The following CCDC6 variants were observed in gnomAD, a reference collection of about 807,000 sequenced individuals.
The protein encoded by CCDC6 is coiled-coil domain containing 6.
A neutral mutation model predicts 56.6 loss-of-function variants in CCDC6; 20 were observed. The ratio of observed to expected loss-of-function variants is 0.35; its 90% CI spans 0.25 to 0.51. The LOEUF (loss-of-function observed/expected upper bound fraction) is 0.51, where lower values mean the gene tolerates loss of function less well. CCDC6 is among the 20% of genes least tolerant of loss of function. The probability of loss-of-function intolerance (pLI) is 0.95; values close to 1 mark genes in which losing one functional copy is unlikely to be tolerated. For synonymous variants in CCDC6, 241 were observed against 234.4 expected (o/e 1.03, Z -0.26); for missense variants, 367 against 601.1 (o/e 0.61, Z 4.07).
At chr10:59,822,714 G>A (rs1461432306) in intron 3 of CCDC6, among the ~76,000 whole-genome samples, 1 of 152,128 alleles carries the variant, frequency 6.6e-6, no homozygotes, top group Non-Finnish European at 1.5e-5. Flanking sequence ...GGGCAACACA[G>A]TGACAGGGAC....
At chr10:59,900,338 GTCTAT>G in intron 1 of CCDC6, among the ~76,000 whole-genome samples, 1 of 152,256 alleles carries the variant, frequency 6.6e-6, no homozygotes, top group East Asian at 1.9e-4. Context: ...AGGCAGTACA[GTCTAT>G]TTCAACTGAC....
chr10:59,806,724 C>T, intron 6 of CCDC6, 198 bp downstream of exon 6: 8 of 457,108 alleles, frequency 1.8e-5, no homozygotes, highest in African/African-American at 7.8e-5. Context: ...TGATTTTTTT[C>T]ATCTTTTTGT....
At chr10:59,868,324 T>C (rs1472421929) in intron 1 of CCDC6, among the ~76,000 whole-genome samples, 1 of 152,154 alleles carries the variant, frequency 6.6e-6, no homozygotes, top group African/African-American at 2.4e-5. Context: ...TGCATGCTGT[T>C]TGCAAGGGTT....
chr10:59,835,027 T>C (rs1036100831), intron 2 of CCDC6, among the ~76,000 whole-genome samples: 2 of 152,226 alleles, frequency 1.3e-5, no homozygotes, highest in Non-Finnish European at 2.9e-5. Flanking sequence ...GCTCTAAAAA[T>C]AGTTATGAAC....
At chr10:59,869,849 C>T (rs1321318472) in intron 1 of CCDC6, among the ~76,000 whole-genome samples, 1 of 152,128 alleles carries the variant, frequency 6.6e-6, no homozygotes, top group African/African-American at 2.4e-5. Context: ...GCCCCGACAC[C>T]CACGACACTC....
chr10:59,859,830 T>C (rs2071112189), intron 1 of CCDC6, among the ~76,000 whole-genome samples: 1 of 151,910 alleles, frequency 6.6e-6, no homozygotes, highest in Admixed American at 6.6e-5. Flanking sequence ...TTTGGGAGGC[T>C]GAGGCGGGCA....
chr10:59,809,421 G>C (rs974151043), intron 5 of CCDC6, among the ~76,000 whole-genome samples: 1 of 152,150 alleles, frequency 6.6e-6, no homozygotes, highest in African/African-American at 2.4e-5. Flanking sequence ...GCAGTGATCG[G>C]CTGGGAAGAC....
chr10:59,865,852 C>CTAAAAA (rs2071172227), intron 1 of CCDC6, among the ~76,000 whole-genome samples: 1 of 57,060 alleles, frequency 1.8e-5, no homozygotes, highest in African/African-American at 7.3e-5. Context: ...TCCATCTCCA[C>CTAAAAA]AAAAAAAAAA....
intron 1 of CCDC6, among the ~76,000 whole-genome samples, chr10:59,857,357 T>C (rs890418175): frequency 6.6e-6 from 1 of 152,224 alleles, no homozygotes; most frequent in Non-Finnish European, 1.5e-5. Flanking sequence ...ACTGCTACCA[T>C]GAACTGAGCA....
chr10:59,800,153 C>T (rs1474729307), intron 7 of CCDC6, among the ~76,000 whole-genome samples: 1 of 152,126 alleles, frequency 6.6e-6, no homozygotes, highest in Non-Finnish European at 1.5e-5. Flanking sequence ...CTCAGCTTCC[C>T]CTGATTACAC....
rs577339445 is a variant in CCDC6 at position 59,838,702 on chromosome 10, T to C, written c.454-6049A>G. On this transcript the variant is annotated intron_variant, in intron 2 of 8. Transcript: ENST00000263102. ...ATCCCATCATGCCAACCAAACACTTTTGGTGACCATACTGGTCCGGGGCTT... is the reference window on the plus strand; with the variant it reads ...ATCCCATCATGCCAACCAAACACTTCTGGTGACCATACTGGTCCGGGGCTT... Among the ~76,000 whole-genome samples the C allele has an allele frequency of 2.6e-5, 4 of 152,286 alleles. No individual in the cohort carries two copies. The South Asian group carries it at 8.3e-4, about 32-fold the overall frequency.
intron 1 of CCDC6, among the ~76,000 whole-genome samples, chr10:59,869,389 CAAAAAAAAAAA>C (rs1167007522): frequency 2.3e-3 from 14 of 6,098 alleles, no homozygotes; most frequent in Admixed American, 4.1e-3. Context: ...CTTGCTCAGG[CAAAAAAAAAAA>C]AAAAAAAAAA....
intron 1 of CCDC6, among the ~76,000 whole-genome samples, chr10:59,854,473 G>A (rs1454408671): frequency 3.9e-5 from 6 of 152,166 alleles, no homozygotes. Context: ...AGCCATTCTG[G>A]GGTAGTCCAA....
intron 7 of CCDC6, among the ~76,000 whole-genome samples, chr10:59,796,847 T>C (rs1478137278): frequency 6.6e-6 from 1 of 151,914 alleles, no homozygotes; most frequent in African/African-American, 2.4e-5. Context: ...GGCGGGTGCC[T>C]GTAGTCCTAG....
chr10:59,845,575 G>C (rs773776956), intron 2 of CCDC6, among the ~76,000 whole-genome samples: 33 of 152,144 alleles, frequency 2.2e-4, no homozygotes, highest in Non-Finnish European at 4.6e-4. Flanking sequence ...GGTGGCTGTA[G>C]CATAAAATGC....
At chr10:59,799,651 A>T (rs1044535623) in intron 7 of CCDC6, among the ~76,000 whole-genome samples, 1 of 152,150 alleles carries the variant, frequency 6.6e-6, no homozygotes, top group African/African-American at 2.4e-5. Context: ...TGCCTCTGTT[A>T]ATGGTGTGCC....
At chr10:59,896,597 A>AG (rs989115910) in intron 1 of CCDC6, among the ~76,000 whole-genome samples, 3 of 152,264 alleles carry the variant, frequency 2.0e-5, no homozygotes, top group Non-Finnish European at 4.4e-5. Flanking sequence ...TTTAAAAAAA[A>AG]AAACAAACAA....
Position 59,813,075 on chromosome 10 carries a change from T to A in CCDC6, c.687-280A>T, listed in dbSNP as rs2070685673. Among the ~76,000 whole-genome samples the A allele has an allele frequency of 2.0e-5, 3 of 152,348 alleles. No individual in the cohort carries two copies. In the South Asian group the frequency reaches 6.2e-4, roughly 32 times the overall value. ...GAAAAGTCTTTATTTAACAACAGGA[T>A]CTGATAATTATGCCTGGAATACAGT... On this transcript the variant is annotated intron_variant, in intron 4 of 8. Transcript: ENST00000263102.
intron 2 of CCDC6, among the ~76,000 whole-genome samples, chr10:59,832,928 T>A (rs2070846444): frequency 6.6e-6 from 1 of 152,214 alleles, no homozygotes; most frequent in Non-Finnish European, 1.5e-5. Flanking sequence ...AATAAATTTT[T>A]AAAAAATAGA....
Sources: gnomAD v4.1 joint callset for allele counts (sites outside exome capture counted in the v4.1 genomes callset) on GRCh38, gnomAD v4.1.1 for gene constraint, MANE v1.5 for transcripts, NCBI Gene and HGNC (gene_info 2026-07-23, HGNC 2026-07-21) for gene names.